Variants in RBM28 observed in about 807,000 individuals in gnomAD.
RBM28 encodes RNA binding motif protein 28, also known as RNA-binding protein 28.
In RBM28, 78 loss-of-function variants were observed where a neutral mutation model predicts 98.3. The ratio of observed to expected loss-of-function variants is 0.79; its 90% CI spans 0.66 to 0.96. RBM28 has a LOEUF of 0.96. Ranked by LOEUF, RBM28 falls within the 40% of genes least tolerant of loss-of-function variation. The pLI is 0.00. For missense variants in RBM28, 838 were observed against 913.0 expected (o/e 0.92, Z 1.06); for synonymous variants, 306 against 330.9 (o/e 0.92, Z 0.82).
rs976180278 is a variant in RBM28 at position 128,303,594 on chromosome 7, C to T, written c.*7203G>A. On this transcript the variant is annotated 3_prime_UTR_variant, in exon 19 of 19. Coordinates refer to ENST00000223073, the MANE Select transcript of RBM28 (RefSeq NM_018077.3). Reference sequence around the variant, plus strand: ...CAGGATGAGACTGTGCAAAGCCCCACCCACAGGCAGCTGCTCCAGGTGTCG... The same window carrying T: ...CAGGATGAGACTGTGCAAAGCCCCATCCACAGGCAGCTGCTCCAGGTGTCG... The T allele has an allele frequency of 4.6e-5, 7 of 152,278 alleles. No homozygotes were observed. The highest frequency in any genetic ancestry group is 8.8e-5 in the Non-Finnish European group (6 of 68,104). The allele number at this position is 152,278 out of a possible 1,614,324, so 9.4% of individuals were successfully genotyped here.
chr7:128,339,886 T>C (rs1035396549), intron 1 of RBM28, 95 bp from the exon 2 acceptor site: 3 of 1,394,744 alleles, frequency 2.2e-6, no homozygotes, highest in Non-Finnish European at 3.0e-6. Flanking sequence ...CCTCAAAGCC[T>C]AAGCTAGAGG....
intron 13 of RBM28, 109 bp downstream of exon 13, chr7:128,323,418 G>A: frequency 3.1e-6 from 4 of 1,285,628 alleles, no homozygotes; most frequent in East Asian, 2.3e-5. Flanking sequence ...AATAAGTATG[G>A]TCTGTGACCA....
chr7:128,339,021 A>G (rs369845704), intron 3 of RBM28, among the ~76,000 whole-genome samples: 3 of 152,312 alleles, frequency 2.0e-5, no homozygotes, highest in African/African-American at 7.2e-5. Flanking sequence ...TTTCTTTCTC[A>G]GTAGTAGTTT....
rs774538894 is a variant in RBM28 at position 128,314,883 on chromosome 7, C to T, written c.1926G>A (p.Ala642=). The change falls in exon 17 of 19, where the codon GCG becomes GCA. Residue 642 remains alanine, a synonymous_variant. Coordinates refer to ENST00000223073, the MANE Select transcript of RBM28 (RefSeq NM_018077.3). ...SKVPPEQKRK[A]GSTSWTGFQT... is the part of the protein sequence containing the mutation. ...GGAACCCGGTCCATGAGGTAGAGCC[C>T]GCCTTTCTCTTCTGCTCTGGGGGCA... 13 of 1,614,030 alleles carry T rather than the reference C, an allele frequency of 8.1e-6. No individual in the cohort carries two copies. Among genetic ancestry groups the T allele is most frequent in the East Asian group, 2.2e-5 (1 of 44,896 alleles).
In RBM28 at chr7:128,341,324, C is replaced by A. The variant is rs546524227; in HGVS notation, c.119-1533G>T. 4.5e-4 allele frequency: 211 copies of A among 471,862 alleles called. 3 individuals are homozygous for A. Among genetic ancestry groups the A allele is most frequent in the South Asian group, 3.7e-3 (194 of 52,776 alleles). The allele number at this position is 471,862 out of a possible 1,614,324, so 29.2% of individuals were successfully genotyped here. ...AATGAGCACAAGAAAATTCATAGCC[C>A]TTCATGATCAGTACAACCAAAAGTA... is the stretch of plus-strand genomic sequence containing the variant. On this transcript the variant is annotated intron_variant, in intron 1 of 18. Transcript: ENST00000223073.
At chr7:128,335,360 A>G (rs1462817992) in intron 8 of RBM28, among the ~76,000 whole-genome samples, 183 bp downstream of exon 8, 1 of 152,218 alleles carries the variant, frequency 6.6e-6, no homozygotes, top group Non-Finnish European at 1.5e-5. Context: ...AACAAAAAGG[A>G]AACAACAAAA....
chr7:128,318,529 A>G (rs1219757816), intron 14 of RBM28, among the ~76,000 whole-genome samples: 2 of 152,030 alleles, frequency 1.3e-5, no homozygotes, highest in Non-Finnish European at 2.9e-5. Context: ...TTATACCACC[A>G]TCACAAAAAT....
intron 16 of RBM28, among the ~76,000 whole-genome samples, chr7:128,316,869 T>C (rs1410991022): frequency 6.6e-6 from 1 of 152,242 alleles, no homozygotes; most frequent in African/African-American, 2.4e-5. Flanking sequence ...ACCACCAGAA[T>C]GGCTCGTCTG....
At position 128,339,627 on chromosome 7, in the gene RBM28, A is replaced by G; in HGVS notation, c.277+6T>C. On this transcript the variant is annotated splice_donor_region_variant and intron_variant, in intron 2 of 18. Transcript: ENST00000223073. Reference sequence around the variant, plus strand: ...GAAAAACTTCCTTCAATTACTAGAAACTCACCATTTTTCCCCTTTTCCTTT... The same window carrying G: ...GAAAAACTTCCTTCAATTACTAGAAGCTCACCATTTTTCCCCTTTTCCTTT... The G allele has an allele frequency of 6.2e-7, 1 of 1,613,494 alleles. No individual in the cohort carries two copies. The highest frequency in any genetic ancestry group is 8.5e-7 in the Non-Finnish European group (1 of 1,179,608).
In RBM28 at chr7:128,317,671, G is replaced by A; in HGVS notation, c.1776C>T (p.Ile592=). 2 of 1,603,258 alleles carry A rather than the reference G, an allele frequency of 1.2e-6. No homozygotes were observed. Among genetic ancestry groups the A allele is most frequent in the Non-Finnish European group, 1.7e-6 (2 of 1,170,188 alleles). ...RRKLKMKELR[I]QRSLQKMRSK... ...TTAATTTCTGTACCAAGCTGCGCTG[G>A]ATCCTTAATTCCTTCATTTTAAGTT... is the stretch of plus-strand genomic sequence containing the variant. Residue 592 remains isoleucine, a synonymous_variant, in exon 16 of 19, where the codon ATC becomes ATT. Transcript: ENST00000223073.
At chr7:128,328,110 TC>T (rs1796394293) in intron 10 of RBM28, among the ~76,000 whole-genome samples, 1 of 152,186 alleles carries the variant, frequency 6.6e-6, no homozygotes, top group African/African-American at 2.4e-5. Flanking sequence ...GGTGACATCT[TC>T]CCAAACAGAA....
chr7:128,333,615 G>A (rs190306159), intron 8 of RBM28, among the ~76,000 whole-genome samples: 68 of 152,304 alleles, frequency 4.5e-4, no homozygotes, highest in Admixed American at 1.5e-3. Context: ...CTACTCAGGA[G>A]GCTGAGGCAG....
At position 128,298,671 on chromosome 7, in the gene RBM28, CT is replaced by C. The variant is rs766822007; in HGVS notation, c.*12125del. ...CAAGCAAAGGATCACTCATTTTCCC[CT>C]TAACTGAGAACAAGGGCTGCACATG... On this transcript the variant is annotated 3_prime_UTR_variant, in exon 19 of 19. Coordinates refer to ENST00000223073, the MANE Select transcript of RBM28 (RefSeq NM_018077.3). 3.3e-5 allele frequency: 5 copies of C among 152,266 alleles called. No homozygotes were observed. Among genetic ancestry groups the C allele is most frequent in the Admixed American group, 6.5e-5 (1 of 15,294 alleles). 9.4% of individuals were successfully genotyped at this position (152,266 alleles called of 1,614,324 possible).
chr7:128,339,131 C>A, intron 3 of RBM28, 96 bp downstream of exon 3: 1 of 1,136,136 alleles, frequency 8.8e-7, no homozygotes. Flanking sequence ...GGAATTAAGC[C>A]CAATTATACC....
rs750627446 is a variant in RBM28 at position 128,335,955 on chromosome 7, T to C, written c.701A>G (p.Asp234Gly). The C allele has an allele frequency of 3.5e-5, 57 of 1,607,418 alleles. No individual in the cohort carries two copies. The highest frequency in any genetic ancestry group is 4.6e-5 in the Non-Finnish European group (54 of 1,174,176). Residue 234 changes from aspartate to glycine, a missense_variant, in exon 7 of 19, where the codon GAT becomes GGT. Asp to Gly is a moderately conservative substitution (Grantham distance 94). Transcript: ENST00000223073. Reference protein sequence around the residue: ...EEEDMEEEENDDDDDDDDEED... With the variant: ...EEEDMEEEENGDDDDDDDEED... ...TTCATCATCATCATCGTCATCATCA[T>C]CGTTTTCTTCCTCTTCCATATCCTC...
At chr7:128,324,486 A>G in intron 12 of RBM28, 73 bp downstream of exon 12, 1 of 1,598,418 alleles carries the variant, frequency 6.3e-7, no homozygotes, top group Non-Finnish European at 8.6e-7. Context: ...GCTTCCAGGC[A>G]TACTATTGCT....
intron 16 of RBM28, among the ~76,000 whole-genome samples, chr7:128,316,660 C>G (rs1283831236): frequency 6.6e-6 from 1 of 152,236 alleles, no homozygotes; most frequent in Non-Finnish European, 1.5e-5. Context: ...TTGCAGTGAA[C>G]TGAGATTGTG....
In RBM28 at chr7:128,337,083, AC is replaced by A. The variant is rs3834861; in HGVS notation, c.613+47del. The A allele has an allele frequency of 1.3e-4, 207 of 1,579,878 alleles. No homozygotes were observed. The East Asian group carries it at 4.2e-3, about 32-fold the overall frequency. ...ACACAGGAGTTGTTTCAATACTCTC[AC>A]CCAGGTTATACAACGCCCCTACTCA... On this transcript the variant is annotated intron_variant, in intron 6 of 18. Coordinates refer to ENST00000223073, the MANE Select transcript of RBM28 (RefSeq NM_018077.3).
rs1269867784 is a variant in RBM28 at position 128,320,244 on chromosome 7, GAAA to G, written c.1563+1019_1563+1021del. Among the ~76,000 whole-genome samples, 688 of 97,534 alleles carry G rather than the reference GAAA, an allele frequency of 7.1e-3. 7 individuals are homozygous for G. The highest frequency in any genetic ancestry group is 0.019 in the South Asian group (55 of 2,934). 64.0% of individuals were successfully genotyped at this position (97,534 alleles called of 152,430 possible). A position where few individuals can be genotyped will look rare whatever the true frequency, so the allele number is the denominator to read the frequency against. ...AAAAAAAAAAAAAAAAAGAAAGAAA[GAAA>G]GAAATTAGCCAGGCATGGTGGTGTG... On this transcript the variant is annotated intron_variant, in intron 14 of 18. Transcript: ENST00000223073.
Sources: allele counts gnomAD v4.1 joint callset (sites outside exome capture counted in the v4.1 genomes callset), GRCh38; gene constraint gnomAD v4.1.1; transcripts MANE v1.5; gene names NCBI Gene and HGNC (gene_info 2026-07-23, HGNC 2026-07-21).